LEMD3: variants seen among roughly 807,000 people sequenced by gnomAD.
LEMD3 encodes LEM domain containing 3.
In LEMD3, 33 loss-of-function variants were observed where a neutral mutation model predicts 95.2. The ratio of observed to expected loss-of-function variants is 0.35; its 90% CI spans 0.26 to 0.46. The LOEUF is 0.46. LEMD3 is among the 20% of genes least tolerant of loss of function. The pLI is 1.00. For synonymous variants in LEMD3, 525 were observed against 474.6 expected (o/e 1.11, Z -1.38); for missense variants, 1,210 against 1,192.8 (o/e 1.01, Z -0.21).
intron 1 of LEMD3, among the ~76,000 whole-genome samples, chr12:65,174,439 A>C (rs904956377): frequency 6.6e-6 from 1 of 152,190 alleles, no homozygotes; most frequent in African/African-American, 2.4e-5. Context: ...GAATAGATTG[A>C]CTGTCCTAGG....
At position 65,247,525 on chromosome 12, in the gene LEMD3, AACTT is replaced by A. The variant is rs1356647095; in HGVS notation, c.*1205_*1208del. 6 of 152,166 alleles carry A rather than the reference AACTT, an allele frequency of 3.9e-5. No individual in the cohort carries two copies. The highest frequency in any genetic ancestry group is 2.9e-5 in the Non-Finnish European group (2 of 67,996). The allele number at this position is 152,166 out of a possible 1,614,324, so 9.4% of individuals were successfully genotyped here. A position where few individuals can be genotyped will look rare whatever the true frequency, so the allele number is the denominator to read the frequency against. On this transcript the variant is annotated 3_prime_UTR_variant, in exon 13 of 13. Coordinates refer to ENST00000308330, the MANE Select transcript of LEMD3 (RefSeq NM_014319.5). The stretch of plus-strand genomic sequence containing the variant: ...CCTCAGTATTTAATTTGTTTCAGTA[AACTT>A]ACTTTATTACTGTTTATGATTTCAG...
In LEMD3 at chr12:65,241,057, G is replaced by T; in HGVS notation, c.2275G>T (p.Val759Phe). The T allele has an allele frequency of 6.2e-7, 1 of 1,613,948 alleles. No individual in the cohort carries two copies. The highest frequency in any genetic ancestry group is 8.5e-7 in the Non-Finnish European group (1 of 1,179,876). The change falls in exon 9 of 13, where the codon GTT (valine) becomes TTT (phenylalanine). Residue 759 changes from valine (V) to phenylalanine (F), a missense_variant. Val to Phe is a conservative substitution (Grantham distance 50, BLOSUM62 -1). Transcript: ENST00000308330. ...QPSASCDKIL[V>F]IPSKVWQGQA... ...TTCTGCATCCTGTGACAAAATATTA[G>T]TTATACCTTCTAAAGTATGGCAAGG...
chr12:65,179,246 A>G (rs1868827051), intron 1 of LEMD3, among the ~76,000 whole-genome samples: 1 of 152,088 alleles, frequency 6.6e-6, no homozygotes, highest in Non-Finnish European at 1.5e-5. Flanking sequence ...TTTTGAATAA[A>G]CTTCATATTT....
chr12:65,186,866 G>A (rs1270148964), intron 1 of LEMD3, among the ~76,000 whole-genome samples: 1 of 151,662 alleles, frequency 6.6e-6, no homozygotes, highest in African/African-American at 2.4e-5. Flanking sequence ...TGGGAAATTT[G>A]GGGAAAAAAA....
intron 9 of LEMD3, 101 bp from the exon 10 acceptor site, chr12:65,243,287 T>TA (rs1314067451): frequency 6.5e-6 from 5 of 768,448 alleles, no homozygotes; most frequent in Non-Finnish European, 9.5e-6. Flanking sequence ...TGGCTCCTAG[T>TA]AAAAGCATGC....
At chr12:65,230,705 G>A (rs1442250114) in intron 4 of LEMD3, among the ~76,000 whole-genome samples, 2 of 152,090 alleles carry the variant, frequency 1.3e-5, no homozygotes, top group East Asian at 1.9e-4. Context: ...TCTGCACATA[G>A]GAACAATTTT....
At chr12:65,239,240 ATTCT>A (rs1017649270) in intron 6 of LEMD3, among the ~76,000 whole-genome samples, 6 of 151,760 alleles carry the variant, frequency 4.0e-5, no homozygotes, top group Admixed American at 3.3e-4. Context: ...TTGTTTTTTC[ATTCT>A]TTCTTTCTTC....
chr12:65,248,331 T>TA lies in LEMD3; in HGVS notation c.*2007dup, dbSNP rs1491198151. ...AATTAAAAATTTATTAGTTTTTTTT[T>TA]ATGTGTCTTGGCTTTTTAAAAACAT... On this transcript the variant is annotated 3_prime_UTR_variant, in exon 13 of 13. Coordinates refer to ENST00000308330, the MANE Select transcript of LEMD3 (RefSeq NM_014319.5). The TA allele has an allele frequency of 5.9e-5, 9 of 152,154 alleles. No homozygotes were observed. The highest frequency in any genetic ancestry group is 9.6e-5 in the African/African-American group (4 of 41,454). The allele number at this position is 152,154 out of a possible 1,614,324, so 9.4% of individuals were successfully genotyped here.
At chr12:65,218,819 C>T (rs1471268576) in intron 4 of LEMD3, among the ~76,000 whole-genome samples, 200 bp downstream of exon 4, 4 of 116,486 alleles carry the variant, frequency 3.4e-5, no homozygotes, top group South Asian at 2.6e-4. Context: ...GACACAGTTT[C>T]GCTCTTGTTC....
intron 1 of LEMD3, among the ~76,000 whole-genome samples, chr12:65,179,979 C>T (rs1307846341): frequency 6.6e-6 from 1 of 151,822 alleles, no homozygotes; most frequent in East Asian, 1.9e-4. Flanking sequence ...GGATCTTGTT[C>T]TCTCGCCCAG....
At chr12:65,186,485 T>TA (rs1869067965) in intron 1 of LEMD3, among the ~76,000 whole-genome samples, 2 of 152,080 alleles carry the variant, frequency 1.3e-5, no homozygotes, top group South Asian at 4.1e-4. Context: ...CAGTACCTTT[T>TA]AAAAAATTCT....
intron 4 of LEMD3, among the ~76,000 whole-genome samples, chr12:65,226,019 C>T (rs946112384): frequency 6.6e-6 from 1 of 152,220 alleles, no homozygotes; most frequent in Non-Finnish European, 1.5e-5. Context: ...GCATGTCTAA[C>T]TTTTTTCCTC....
At chr12:65,230,769 G>A (rs1870600975) in intron 4 of LEMD3, among the ~76,000 whole-genome samples, 1 of 152,082 alleles carries the variant, frequency 6.6e-6, no homozygotes, top group Non-Finnish European at 1.5e-5. Flanking sequence ...AATTGCTCTG[G>A]CTAGGACTTC....
chr12:65,216,230 C>T (rs545858100), intron 3 of LEMD3, among the ~76,000 whole-genome samples, 187 bp downstream of exon 3: 2 of 151,478 alleles, frequency 1.3e-5, no homozygotes, highest in East Asian at 3.9e-4. Context: ...TTTTTTCCTG[C>T]CTGCCATCTG....
At chr12:65,188,003 G>A (rs1391041203) in intron 1 of LEMD3, among the ~76,000 whole-genome samples, 1 of 152,078 alleles carries the variant, frequency 6.6e-6, no homozygotes, top group Non-Finnish European at 1.5e-5. Flanking sequence ...TTAAAATGGT[G>A]TTAAGGATCA....
chr12:65,208,797 T>A (rs1869841034), intron 1 of LEMD3, among the ~76,000 whole-genome samples: 1 of 152,204 alleles, frequency 6.6e-6, no homozygotes, highest in South Asian at 2.1e-4. Context: ...GGGAAAAAAA[T>A]TTTAACGAAG....
intron 4 of LEMD3, among the ~76,000 whole-genome samples, chr12:65,218,881 G>A (rs544632513): frequency 3.3e-5 from 5 of 149,376 alleles, no homozygotes; most frequent in African/African-American, 7.4e-5. Context: ...GTTCGCAACC[G>A]GGGTTCAAGC....
chr12:65,208,276 C>A (rs1429819533), intron 1 of LEMD3, among the ~76,000 whole-genome samples: 5 of 151,828 alleles, frequency 3.3e-5, no homozygotes, highest in Non-Finnish European at 5.9e-5. Context: ...GACAACAGAT[C>A]AAAAATGGCT....
chr12:65,172,493 T>C (rs2136314548), intron 1 of LEMD3, among the ~76,000 whole-genome samples: 2 of 152,218 alleles, frequency 1.3e-5, no homozygotes, highest in East Asian at 3.8e-4. Flanking sequence ...AATAGATTTT[T>C]ACTCTGTTGC....
Sources: allele counts gnomAD v4.1 joint callset (sites outside exome capture counted in the v4.1 genomes callset), GRCh38; gene constraint gnomAD v4.1.1; transcripts MANE v1.5; gene names NCBI Gene and HGNC (gene_info 2026-07-23, HGNC 2026-07-21).